Variants in TRAPPC9 observed in about 807,000 individuals in gnomAD.
TRAPPC9 encodes the protein trafficking protein particle complex subunit 9.
In TRAPPC9, 83 loss-of-function variants were observed where a neutral mutation model predicts 124.0. That is an observed-to-expected ratio of 0.67 (90% CI 0.56 to 0.80). The LOEUF (loss-of-function observed/expected upper bound fraction) is 0.80, where lower values mean the gene tolerates loss of function less well. Ranked by LOEUF, TRAPPC9 falls within the 30% of genes least tolerant of loss-of-function variation. TRAPPC9 has a pLI of 0.00. For synonymous variants in TRAPPC9, 638 were observed against 617.5 expected (o/e 1.03, Z -0.49); for missense variants, 1,302 against 1,508.3 (o/e 0.86, Z 2.27).
Position 140,296,291 on chromosome 8 carries a change from G to T in TRAPPC9, c.1768+4178C>A, listed in dbSNP as rs907052461. On this transcript the variant is annotated intron_variant, in intron 11 of 22. Coordinates refer to ENST00000438773, the MANE Select transcript of TRAPPC9 (RefSeq NM_001160372.4). ...CTTTTTATTTGTTTTTTGAGGTAGG[G>T]TCTTGCTCTGTCACCCAGGCTGGAG... is the stretch of plus-strand genomic sequence containing the variant. Among the ~76,000 whole-genome samples, 13 of 152,274 alleles carry T rather than the reference G, an allele frequency of 8.5e-5. No homozygotes were observed. In the South Asian group the frequency reaches 2.7e-3, roughly 32 times the overall value.
intron 5 of TRAPPC9, among the ~76,000 whole-genome samples, chr8:140,415,333 C>G (rs1378349056): frequency 6.6e-6 from 1 of 151,938 alleles, no homozygotes; most frequent in Non-Finnish European, 1.5e-5. Context: ...GTGGCCAGAT[C>G]ACTTGCGGTC....
chr8:139,968,790 C>T (rs900673461), intron 19 of TRAPPC9, among the ~76,000 whole-genome samples: 1 of 152,184 alleles, frequency 6.6e-6, no homozygotes, highest in Non-Finnish European at 1.5e-5. Flanking sequence ...ACATCATCCC[C>T]GTTTCACAGA....
intron 21 of TRAPPC9, among the ~76,000 whole-genome samples, chr8:139,836,397 CGAT>C (rs1826351373): frequency 6.6e-6 from 1 of 152,210 alleles, no homozygotes; most frequent in Non-Finnish European, 1.5e-5. Context: ...GCCCGGCACT[CGAT>C]GTGTGTGTTT....
chr8:139,965,786 G>GTGCAAGGGGAAATACAAACAA (rs1835665765), intron 19 of TRAPPC9, among the ~76,000 whole-genome samples: 1 of 152,230 alleles, frequency 6.6e-6, no homozygotes, highest in Non-Finnish European at 1.5e-5. Context: ...GCTCCATGTT[G>GTGCAAGGGGAAATACAAACAA]AGCAGAGTTG....
intron 9 of TRAPPC9, among the ~76,000 whole-genome samples, chr8:140,345,158 G>A (rs1271536057): frequency 6.6e-6 from 1 of 152,250 alleles, no homozygotes; most frequent in Non-Finnish European, 1.5e-5. Flanking sequence ...CCAGGGCCAG[G>A]TGAGATCCCC....
rs74416854 is a variant in TRAPPC9 at position 139,924,347 on chromosome 8, G to A, written c.2811-14047C>T. 6.1e-3 allele frequency among the ~76,000 whole-genome samples: 927 copies of A among 152,292 alleles called. 11 individuals carry two copies. Among genetic ancestry groups the A allele is most frequent in the African/African-American group, 0.021 (860 of 41,548 alleles). On this transcript the variant is annotated intron_variant, in intron 19 of 22. Coordinates refer to ENST00000438773, the MANE Select transcript of TRAPPC9 (RefSeq NM_001160372.4). ...CAACACTGCTTCCCATGGACGACAG[G>A]AGCCCTGCACCTGACCCGGCCACAT...
upstream of TRAPPC9, chr8:140,457,754 G>A (rs1464288204): frequency 3.0e-6 from 3 of 997,434 alleles, no homozygotes; most frequent in Admixed American, 1.2e-4. Context: ...TGGCGGCCGA[G>A]CCGGCGCTGC....
At chr8:139,820,944 A>G (rs564371662) in intron 21 of TRAPPC9, among the ~76,000 whole-genome samples, 2 of 152,368 alleles carry the variant, frequency 1.3e-5, no homozygotes, top group Admixed American at 6.5e-5. Flanking sequence ...TGTTTTATAT[A>G]TATAGACATT....
chr8:140,283,167 G>A (rs1175291735), intron 14 of TRAPPC9, among the ~76,000 whole-genome samples: 2 of 151,884 alleles, frequency 1.3e-5, no homozygotes, highest in African/African-American at 4.8e-5. Flanking sequence ...GAACCTGGGA[G>A]GTGGAGGTTG....
chr8:140,224,720 C>T lies in TRAPPC9; in HGVS notation c.2432-3137G>A, dbSNP rs2063407295. Among the ~76,000 whole-genome samples, 5 of 152,130 alleles carry T rather than the reference C, an allele frequency of 3.3e-5. No homozygotes were observed. The South Asian group carries it at 1.0e-3, about 32-fold the overall frequency. On this transcript the variant is annotated intron_variant, in intron 16 of 22. Transcript: ENST00000438773. ...CTTTATGTATTGGTAATTCTCTTCC[C>T]TCTGACAATCTGATATCCTAATATG...
intron 21 of TRAPPC9, among the ~76,000 whole-genome samples, chr8:139,795,724 T>C (rs1301938598): frequency 6.6e-6 from 1 of 151,988 alleles, no homozygotes; most frequent in African/African-American, 2.4e-5. Context: ...TGGGAAACAA[T>C]CTGATGTCAT....
chr8:140,455,899 G>T (rs2071642623), intron 1 of TRAPPC9, among the ~76,000 whole-genome samples: 1 of 152,190 alleles, frequency 6.6e-6, no homozygotes, highest in African/African-American at 2.4e-5. Context: ...TGTGCTGAAT[G>T]AAAGAAGCTA....
intron 17 of TRAPPC9, among the ~76,000 whole-genome samples, chr8:140,183,683 C>T (rs2062259207): frequency 6.6e-6 from 1 of 151,314 alleles, no homozygotes; most frequent in South Asian, 2.1e-4. Flanking sequence ...AATGGTGAAA[C>T]GTCTCTACTA....
At position 140,052,636 on chromosome 8, in the gene TRAPPC9, G is replaced by A. The variant is rs143682367; in HGVS notation, c.2557-28557C>T. Among the ~76,000 whole-genome samples, 854 of 152,274 alleles carry A rather than the reference G, an allele frequency of 5.6e-3. 14 individuals are homozygous for A. The highest frequency in any genetic ancestry group is 0.02 in the African/African-American group (818 of 41,552). ...GTCTCTAGTAGAAATATAAAAATTA[G>A]CCGGGTGTGGTGGCACACATCTGTA... On this transcript the variant is annotated intron_variant, in intron 17 of 22. Transcript: ENST00000438773.
chr8:140,240,932 G>A (rs1587994676), intron 16 of TRAPPC9, among the ~76,000 whole-genome samples: 1 of 152,164 alleles, frequency 6.6e-6, no homozygotes, highest in African/African-American at 2.4e-5. Flanking sequence ...TGAAGTCCAA[G>A]TTACTTCTGG....
At chr8:139,956,700 G>A (rs573671062) in intron 19 of TRAPPC9, among the ~76,000 whole-genome samples, 10 of 152,358 alleles carry the variant, frequency 6.6e-5, no homozygotes, top group Admixed American at 5.2e-4. Context: ...TGGATGCAGA[G>A]GGGAAGCACT....
At chr8:140,436,071 C>A (rs149299958) in intron 3 of TRAPPC9, among the ~76,000 whole-genome samples, 1 of 152,316 alleles carries the variant, frequency 6.6e-6, no homozygotes. Flanking sequence ...ATAGGCCAGA[C>A]GCAGTGGCTC....
chr8:140,274,399 C>T (rs1288629896), intron 15 of TRAPPC9, among the ~76,000 whole-genome samples: 1 of 152,222 alleles, frequency 6.6e-6, no homozygotes, highest in Admixed American at 6.5e-5. Context: ...TGACCATGCA[C>T]ATAAATCACT....
chr8:140,369,880 A>C (rs2068227778), intron 8 of TRAPPC9, among the ~76,000 whole-genome samples: 1 of 152,158 alleles, frequency 6.6e-6, no homozygotes, highest in African/African-American at 2.4e-5. Flanking sequence ...TGAACCCAGG[A>C]GTTGGAGGCT....
Sources: allele counts gnomAD v4.1 joint callset (sites outside exome capture counted in the v4.1 genomes callset), GRCh38; gene constraint gnomAD v4.1.1; transcripts MANE v1.5; gene names NCBI Gene and HGNC (gene_info 2026-07-23, HGNC 2026-07-21).